Variants in RYR3 observed in about 807,000 individuals in gnomAD.
The protein encoded by RYR3 is ryanodine receptor 3.
Under a neutral mutation model 584.3 loss-of-function variants are expected in RYR3, and 207 were observed. The ratio of observed to expected loss-of-function variants is 0.35; its 90% CI spans 0.32 to 0.40. The LOEUF (loss-of-function observed/expected upper bound fraction) is 0.40. RYR3 is among the 10% of genes least tolerant of loss of function. The probability of loss-of-function intolerance (pLI) is 1.00; values close to 1 mark genes in which losing one functional copy is unlikely to be tolerated. For missense variants in RYR3, 5,616 were observed against 6,089.2 expected, an observed-to-expected ratio of 0.92 and a Z score of 2.59; for synonymous variants, 2,416 against 2,248.5, an observed-to-expected ratio of 1.07 and a Z score of -2.11.
intron 3 of RYR3, among the ~76,000 whole-genome samples, chr15:33,505,626 G>C (rs539904003): frequency 1.3e-5 from 2 of 152,226 alleles, no homozygotes; most frequent in Admixed American, 6.5e-5. Flanking sequence ...TGAGTAGCTG[G>C]GACTACAGGC....
chr15:33,848,018 C>G (rs183087466), intron 93 of RYR3, among the ~76,000 whole-genome samples: 9 of 152,294 alleles, frequency 5.9e-5, no homozygotes, highest in Admixed American at 3.9e-4. Context: ...GGCCTGCACA[C>G]TAGCATGGGT....
rs1247148775 is a variant in RYR3, at chr15:33,837,997, C to G, written c.12017C>G (p.Pro4006Arg). 4 of 1,613,940 alleles carry G rather than the reference C, an allele frequency of 2.5e-6. No homozygotes were observed. The highest frequency in any genetic ancestry group is 4.5e-5 in the East Asian group (2 of 44,872). ...VLLTNLSEHM[P>R]NDSRLKCLLD... Reference sequence around the variant, plus strand: ...TTGACAAATCTTTCTGAACACATGCCAAACGATTCCCGCCTGAAGTGTCTG... The same window carrying G: ...TTGACAAATCTTTCTGAACACATGCGAAACGATTCCCGCCTGAAGTGTCTG... Residue 4006 changes from proline to arginine, a missense_variant, in exon 89 of 104, where the codon CCA (proline) becomes CGA (arginine). Pro to Arg is a moderately radical substitution (Grantham distance 103). This residue lies in a region of RYR3 where 258 missense variants were observed against 297.3 expected (regional missense o/e 0.87). Transcript: ENST00000634891.
intron 72 of RYR3, 103 bp downstream of exon 72, chr15:33,811,140 A>C (rs1299432658): frequency 2.0e-6 from 2 of 987,638 alleles, no homozygotes; most frequent in Non-Finnish European, 3.1e-6. Flanking sequence ...ATGTGTTCCA[A>C]AAACAGTTTG....
intron 37 of RYR3, among the ~76,000 whole-genome samples, chr15:33,669,841 TGTGGG>T (rs2063711786): frequency 1.1e-4 from 1 of 9,398 alleles, no homozygotes; most frequent in African/African-American, 3.9e-4. Flanking sequence ...GGTGTGTGTG[TGTGGG>T]GGGGGGGGGG....
chr15:33,349,897 A>C lies in RYR3; in HGVS notation c.51+38801A>C, dbSNP rs568283974. On this transcript the variant is annotated intron_variant, in intron 1 of 103. Transcript: ENST00000634891. ...ACTGAGACTGATGATTTCCAATCTC[A>C]TCCATGTCCCTACAAAGGACATGAA... Among the ~76,000 whole-genome samples the C allele has an allele frequency of 3.3e-5, 5 of 152,062 alleles. No individual in the cohort carries two copies. The South Asian group carries it at 1.0e-3, about 32-fold the overall frequency.
chr15:33,769,073 G>A (rs773781319), intron 61 of RYR3, 39 bp from the exon 62 acceptor site: 1 of 1,496,866 alleles, frequency 6.7e-7, no homozygotes, highest in Non-Finnish European at 9.3e-7. Flanking sequence ...GACAGGCTGA[G>A]TGGTTTGAGG....
At chr15:33,629,893 C>A in intron 21 of RYR3, 47 bp from the exon 22 acceptor site, 3 of 1,064,516 alleles carry the variant, frequency 2.8e-6, no homozygotes, top group Non-Finnish European at 2.8e-6. Context: ...CATGCAGTGC[C>A]AGCTGGTCAA....
chr15:33,358,150 A>G (rs11072414), intron 1 of RYR3, among the ~76,000 whole-genome samples: 19,498 of 152,224 alleles, frequency 0.13, 1,682 homozygotes, highest in East Asian at 0.27. Flanking sequence ...GACAAGTTGT[A>G]TATCTCCTCT....
chr15:33,613,120 C>T, intron 18 of RYR3, 63 bp from the exon 19 acceptor site: 2 of 1,346,890 alleles, frequency 1.5e-6, no homozygotes, highest in African/African-American at 2.9e-5. Context: ...GCCTCTGAGC[C>T]TTTCTCAGCC....
intron 38 of RYR3, among the ~76,000 whole-genome samples, chr15:33,682,248 C>T (rs940630708): frequency 3.3e-5 from 5 of 152,118 alleles, no homozygotes; most frequent in Admixed American, 1.3e-4. Flanking sequence ...ATGAGTGACA[C>T]CTGGACTCCA....
intron 1 of RYR3, among the ~76,000 whole-genome samples, chr15:33,325,551 C>T (rs1170029521): frequency 6.6e-6 from 1 of 152,192 alleles, no homozygotes; most frequent in Non-Finnish European, 1.5e-5. Context: ...TCTGAGCCTT[C>T]TGATATTTCT....
intron 29 of RYR3, 103 bp downstream of exon 29, chr15:33,646,629 G>T: frequency 2.9e-6 from 3 of 1,044,314 alleles, no homozygotes; most frequent in Non-Finnish European, 2.8e-6. Context: ...CACTGATAGG[G>T]TTCTCTCTGC....
At position 33,841,772 on chromosome 15, in the gene RYR3, T is replaced by C; in HGVS notation, c.13038-92T>C. ...AAGGAATGATTCTACCTCCCGGCCC[T>C]CTCAATCCAGATTTCTCTTTAATCT... On this transcript the variant is annotated intron_variant, in intron 90 of 103. Coordinates refer to ENST00000634891, the MANE Select transcript of RYR3 (RefSeq NM_001036.6). 2 of 1,333,396 alleles carry C rather than the reference T, an allele frequency of 1.5e-6. 1 individual carries two copies. The highest frequency in any genetic ancestry group is 3.0e-5 in the South Asian group (2 of 66,314). The allele number at this position is 1,333,396 out of a possible 1,614,324, so 82.6% of individuals were successfully genotyped here.
chr15:33,360,298 C>T (rs1359268462), intron 1 of RYR3, among the ~76,000 whole-genome samples: 2 of 152,122 alleles, frequency 1.3e-5, no homozygotes, highest in African/African-American at 4.8e-5. Context: ...CAGCCCCAGG[C>T]CGTCACTGAC....
intron 10 of RYR3, among the ~76,000 whole-genome samples, chr15:33,560,721 G>GA (rs1218881586): frequency 1.3e-5 from 2 of 152,124 alleles, no homozygotes; most frequent in African/African-American, 4.8e-5. Flanking sequence ...TTTCTGCAGT[G>GA]AAAATCAAGT....
chr15:33,320,774 A>G (rs924464655), intron 1 of RYR3, among the ~76,000 whole-genome samples: 1 of 152,250 alleles, frequency 6.6e-6, no homozygotes, highest in African/African-American at 2.4e-5. Flanking sequence ...TGCTCAACAT[A>G]TAGTAAATCC....
At chr15:33,790,074 C>G (rs2075062199) in intron 67 of RYR3, among the ~76,000 whole-genome samples, 1 of 142,254 alleles carries the variant, frequency 7.0e-6, no homozygotes, top group East Asian at 2.1e-4. Context: ...TCACTACAAG[C>G]TCCGCCTCCC....
At chr15:33,833,046 T>C (rs868413167) in intron 86 of RYR3, among the ~76,000 whole-genome samples, 3 of 150,042 alleles carry the variant, frequency 2.0e-5, no homozygotes, top group African/African-American at 7.4e-5. Context: ...CGAGTCTCCA[T>C]AGGACCACGT....
At chr15:33,714,506 A>G (rs1304812420) in intron 43 of RYR3, among the ~76,000 whole-genome samples, 3 of 152,206 alleles carry the variant, frequency 2.0e-5, no homozygotes, top group Admixed American at 2.0e-4. Flanking sequence ...CCGCAGTTGC[A>G]GGCACTGTAG....
Sources: gnomAD v4.1 joint callset for allele counts (sites outside exome capture counted in the v4.1 genomes callset) on GRCh38, gnomAD v4.1.1 for gene constraint, gnomAD v4.1.1 regional missense constraint, MANE v1.5 for transcripts, NCBI Gene and HGNC (gene_info 2026-07-23, HGNC 2026-07-21) for gene names.